Variants in SDK1 observed in about 807,000 individuals in gnomAD.
The protein encoded by SDK1 is sidekick cell adhesion molecule 1, also known as protein sidekick-1.
SDK1 carries 157 observed loss-of-function variants against 245.5 expected under a neutral mutation model. The observed-to-expected ratio is 0.64, with a 90% CI of 0.56 to 0.73. The LOEUF is 0.73. Among genes scored for constraint, SDK1 ranks in the 30% least tolerant of loss-of-function variants. The pLI is 0.00. For synonymous variants in SDK1, 1,647 were observed against 1,278.5 expected, an observed-to-expected ratio of 1.29 and a Z score of -6.15; for missense variants, 3,583 against 3,002.3, an observed-to-expected ratio of 1.19 and a Z score of -4.52.
At chr7:3,323,194 C>T (rs1408024148) in intron 1 of SDK1, among the ~76,000 whole-genome samples, 2 of 152,188 alleles carry the variant, frequency 1.3e-5, no homozygotes, top group Non-Finnish European at 1.5e-5. Context: ...CAAATTCCAA[C>T]TCATTTGCTG....
At chr7:3,372,491 A>G (rs544539338) in intron 1 of SDK1, among the ~76,000 whole-genome samples, 3 of 152,342 alleles carry the variant, frequency 2.0e-5, no homozygotes, top group East Asian at 1.9e-4. Context: ...AACACGCCCT[A>G]TTGCCTCTTA....
intron 4 of SDK1, among the ~76,000 whole-genome samples, chr7:3,694,298 C>T (rs1784514030): frequency 2.0e-5 from 3 of 152,110 alleles, no homozygotes; most frequent in African/African-American, 7.2e-5. Flanking sequence ...ACTTCCCCTC[C>T]TAGGTTGGGC....
intron 5 of SDK1, among the ~76,000 whole-genome samples, chr7:3,886,474 A>G (rs1781341812): frequency 6.6e-6 from 1 of 152,232 alleles, no homozygotes; most frequent in African/African-American, 2.4e-5. Context: ...GCCTCCAGTA[A>G]CACTTGGAAG....
In SDK1 at chr7:3,522,506, A is replaced by T. The variant is rs897632548; in HGVS notation, c.299-96574A>T. ...AAATAAATACTTGGGAGTTCCTTGG[A>T]TGCAGGGTGTTTGTCTTGATTATCT... is the stretch of plus-strand genomic sequence containing the variant. On this transcript the variant is annotated intron_variant, in intron 1 of 44. Coordinates refer to ENST00000404826, the MANE Select transcript of SDK1 (RefSeq NM_152744.4). 2.0e-5 allele frequency among the ~76,000 whole-genome samples: 3 copies of T among 152,138 alleles called. No homozygotes were observed. In the South Asian group the frequency reaches 6.2e-4, roughly 32 times the overall value.
intron 28 of SDK1, among the ~76,000 whole-genome samples, chr7:4,137,747 C>A (rs1779187583): frequency 6.6e-6 from 1 of 152,268 alleles, no homozygotes; most frequent in Non-Finnish European, 1.5e-5. Flanking sequence ...CTCGCACACG[C>A]CGCCGTCTTC....
chr7:3,807,201 G>C (rs563993606), intron 4 of SDK1, among the ~76,000 whole-genome samples: 2 of 152,310 alleles, frequency 1.3e-5, no homozygotes, highest in Admixed American at 6.5e-5. Context: ...AGGGCTCATA[G>C]CTCTGCCTCT....
At chr7:3,627,021 G>A (rs1454799442) in intron 2 of SDK1, among the ~76,000 whole-genome samples, 4 of 151,996 alleles carry the variant, frequency 2.6e-5, no homozygotes, top group African/African-American at 7.2e-5. Flanking sequence ...TCGACCTCCC[G>A]GGCTCAGTTC....
intron 5 of SDK1, among the ~76,000 whole-genome samples, chr7:3,948,357 C>T (rs1780661051): frequency 6.8e-6 from 1 of 147,346 alleles, no homozygotes; most frequent in African/African-American, 2.5e-5. Flanking sequence ...TCTCGGGTTC[C>T]AGCGATTCTC....
intron 44 of SDK1, among the ~76,000 whole-genome samples, chr7:4,257,536 A>G (rs560742015): frequency 6.6e-6 from 1 of 152,244 alleles, no homozygotes; most frequent in Non-Finnish European, 1.5e-5. Context: ...GTGCTTTCTC[A>G]AAGAGGCAAT....
chr7:3,368,314 A>G (rs1006922463), intron 1 of SDK1, among the ~76,000 whole-genome samples: 1 of 152,174 alleles, frequency 6.6e-6, no homozygotes, highest in Non-Finnish European at 1.5e-5. Flanking sequence ...ATTGACATCA[A>G]AGTTACTTGT....
intron 25 of SDK1, among the ~76,000 whole-genome samples, chr7:4,117,897 A>G (rs1783812304): frequency 6.6e-6 from 1 of 152,172 alleles, no homozygotes; most frequent in Non-Finnish European, 1.5e-5. Context: ...CTGCCTGCAG[A>G]GGTTTGACTG....
At chr7:3,959,634 A>G (rs1781521792) in intron 8 of SDK1, among the ~76,000 whole-genome samples, 1 of 152,112 alleles carries the variant, frequency 6.6e-6, no homozygotes, top group African/African-American at 2.4e-5. Flanking sequence ...TGCACATGTG[A>G]CTTAGCACCC....
rs189696066 is a variant in SDK1, at chr7:3,635,022, G to C, written c.459-3982G>C. Reference sequence around the variant, plus strand: ...TCAAATACATACTGCAATTACTTGTGCTATTTCTTCCCAAAAACTTTTGTT... The same window carrying C: ...TCAAATACATACTGCAATTACTTGTCCTATTTCTTCCCAAAAACTTTTGTT... On this transcript the variant is annotated intron_variant, in intron 2 of 44. Transcript: ENST00000404826. Among the ~76,000 whole-genome samples, 348 of 152,258 alleles carry C rather than the reference G, an allele frequency of 2.3e-3. 2 individuals are homozygous for C. Among genetic ancestry groups the C allele is most frequent in the Middle Eastern group, 6.8e-3 (2 of 294 alleles).
At chr7:4,235,045 G>T (rs905511296) in intron 41 of SDK1, among the ~76,000 whole-genome samples, 1 of 152,144 alleles carries the variant, frequency 6.6e-6, no homozygotes. Flanking sequence ...TTGGAGGAAC[G>T]ACCCTGTGCT....
rs557125112 is a variant in SDK1 at position 3,345,105 on chromosome 7, C to T, written c.298+43221C>T. Among the ~76,000 whole-genome samples the T allele has an allele frequency of 1.8e-4, 28 of 152,264 alleles. No homozygotes were observed. The South Asian group carries it at 5.0e-3, about 27-fold the overall frequency. On this transcript the variant is annotated intron_variant, in intron 1 of 44. Transcript: ENST00000404826. ...GTCTTGTTGTAGAACTTCGGGTCTC[C>T]ACGGAATGTGGTTTGATCACTGCTG...
intron 4 of SDK1, chr7:3,643,332 G>C (rs1444833545): frequency 6.7e-6 from 1 of 150,002 alleles, no homozygotes; most frequent in African/African-American, 2.5e-5. Context: ...CTGAGCATCT[G>C]TGGAATCCTT....
chr7:3,832,792 C>G (rs528527169), intron 5 of SDK1, among the ~76,000 whole-genome samples: 2 of 152,130 alleles, frequency 1.3e-5, no homozygotes, highest in East Asian at 3.9e-4. Context: ...TCTGCCTGCA[C>G]CCCTTTACCT....
At chr7:3,609,332 C>T (rs921234234) in intron 1 of SDK1, among the ~76,000 whole-genome samples, 2 of 152,160 alleles carry the variant, frequency 1.3e-5, no homozygotes, top group African/African-American at 4.8e-5. Context: ...GATTGAGAAA[C>T]CCAGACATAG....
intron 28 of SDK1, among the ~76,000 whole-genome samples, chr7:4,134,253 C>T (rs564580930): frequency 3.3e-5 from 5 of 152,262 alleles, no homozygotes; most frequent in South Asian, 2.1e-4. Context: ...GCTTTGAGTA[C>T]GGCATTTCTC....
Sources: gnomAD v4.1 joint callset for allele counts (sites outside exome capture counted in the v4.1 genomes callset) on GRCh38, gnomAD v4.1.1 for gene constraint, MANE v1.5 for transcripts, NCBI Gene and HGNC (gene_info 2026-07-23, HGNC 2026-07-21) for gene names.